Variants in OPCML observed in about 807,000 individuals in gnomAD.
OPCML encodes the protein opioid binding protein/cell adhesion molecule like, also known as opioid-binding protein/cell adhesion molecule.
In OPCML, 13 loss-of-function variants were observed where a neutral mutation model predicts 37.8. The observed-to-expected ratio is 0.34, with a 90% confidence interval of 0.22 to 0.55. OPCML has a LOEUF of 0.55. OPCML is among the 20% of genes least tolerant of loss of function. The probability of loss-of-function intolerance (pLI) is 0.91; values close to 1 mark genes in which losing one functional copy is unlikely to be tolerated. For synonymous variants in OPCML, 176 were observed against 168.8 expected (o/e 1.04, Z -0.33); for missense variants, 341 against 435.6 (o/e 0.78, Z 1.93).
intron 2 of OPCML, among the ~76,000 whole-genome samples, chr11:132,838,777 A>G (rs1941157427): frequency 6.6e-6 from 1 of 152,176 alleles, no homozygotes; most frequent in African/African-American, 2.4e-5. Flanking sequence ...TTTAGAGATC[A>G]GAGTCATTCA....
In OPCML at chr11:132,562,183, G is replaced by A. The variant is rs369250362; in HGVS notation, c.380-32997C>T. Among the ~76,000 whole-genome samples, 6 of 152,206 alleles carry A rather than the reference G, an allele frequency of 3.9e-5. 1 individual carries two copies. Among genetic ancestry groups the A allele is most frequent in the Non-Finnish European group, 2.9e-5 (2 of 68,014 alleles). On this transcript the variant is annotated intron_variant, in intron 3 of 7. Coordinates refer to ENST00000524381, the MANE Select transcript of OPCML (RefSeq NM_001012393.5). Reference sequence around the variant, plus strand: ...ATGAGGGCCTGGCAACACAGGTCCCGCCAAATTAAAGAACTGAGGCACTAG... The same window carrying A: ...ATGAGGGCCTGGCAACACAGGTCCCACCAAATTAAAGAACTGAGGCACTAG...
At chr11:133,035,833 C>A (rs980716802) in intron 1 of OPCML, among the ~76,000 whole-genome samples, 1 of 152,058 alleles carries the variant, frequency 6.6e-6, no homozygotes, top group African/African-American at 2.4e-5. Context: ...TAAATGGGAA[C>A]CTTGAGGCTG....
intron 2 of OPCML, among the ~76,000 whole-genome samples, chr11:132,883,139 A>T (rs1943278440): frequency 6.6e-6 from 1 of 152,236 alleles, no homozygotes; most frequent in African/African-American, 2.4e-5. Context: ...GATGCATGGC[A>T]CTGGATCTTA....
At chr11:132,649,331 C>T (rs1026729898) in intron 3 of OPCML, among the ~76,000 whole-genome samples, 1 of 152,176 alleles carries the variant, frequency 6.6e-6, no homozygotes, top group Non-Finnish European at 1.5e-5. Flanking sequence ...CACACAATGT[C>T]ATGAAAGGTC....
intron 2 of OPCML, among the ~76,000 whole-genome samples, chr11:132,725,806 T>G (rs1331116671): frequency 2.0e-5 from 3 of 151,634 alleles, no homozygotes; most frequent in Non-Finnish European, 2.9e-5. Flanking sequence ...AGAAAGAAAT[T>G]TCTCTGCCAG....
In OPCML at chr11:133,117,395, C is replaced by G. The variant is rs558117681; in HGVS notation, c.62-174385G>C. Among the ~76,000 whole-genome samples the G allele has an allele frequency of 3.3e-5, 5 of 152,266 alleles. No individual in the cohort carries two copies. The South Asian group carries it at 1.0e-3, about 32-fold the overall frequency. ...GAGGAGAACCTGTGATGGACCAGAG[C>G]TTTCGGGGCCTTCTTATAACCATGG... is the stretch of plus-strand genomic sequence containing the variant. On this transcript the variant is annotated intron_variant, in intron 1 of 7. Transcript: ENST00000524381.
chr11:133,456,780 CAAA>C (rs34351764), intron 1 of OPCML, among the ~76,000 whole-genome samples: 2 of 122,298 alleles, frequency 1.6e-5, no homozygotes, highest in Admixed American at 8.5e-5. Context: ...CCAATCAGAC[CAAA>C]AAAAAAAAAA....
chr11:133,431,948 T>A (rs1347290852), intron 1 of OPCML, among the ~76,000 whole-genome samples: 1 of 152,028 alleles, frequency 6.6e-6, no homozygotes, highest in African/African-American at 2.4e-5. Flanking sequence ...TACGTACGGT[T>A]CTCTCTGGAT....
chr11:133,406,908 T>G (rs1282289070), intron 1 of OPCML, among the ~76,000 whole-genome samples: 2 of 152,172 alleles, frequency 1.3e-5, no homozygotes, highest in Non-Finnish European at 2.9e-5. Flanking sequence ...ATTTGCAAAG[T>G]TCATTAATCA....
intron 3 of OPCML, among the ~76,000 whole-genome samples, chr11:132,613,237 T>G (rs963773850): frequency 6.6e-6 from 1 of 152,180 alleles, no homozygotes; most frequent in African/African-American, 2.4e-5. Context: ...TCCTGTTCTC[T>G]CTAACAAAAA....
intron 1 of OPCML, among the ~76,000 whole-genome samples, chr11:132,951,754 T>C (rs895541496): frequency 6.6e-6 from 1 of 152,160 alleles, no homozygotes; most frequent in African/African-American, 2.4e-5. Flanking sequence ...TCCCAAGGCG[T>C]CCAAAGGCTT....
At chr11:132,619,452 T>C (rs1413658395) in intron 3 of OPCML, among the ~76,000 whole-genome samples, 1 of 152,112 alleles carries the variant, frequency 6.6e-6, no homozygotes, top group African/African-American at 2.4e-5. Flanking sequence ...AAATTATGAA[T>C]GAACAGCTGA....
chr11:132,433,519 G>A (rs1412082412), intron 7 of OPCML, among the ~76,000 whole-genome samples: 1 of 152,222 alleles, frequency 6.6e-6, no homozygotes, highest in Non-Finnish European at 1.5e-5. Flanking sequence ...GACTCAGCAA[G>A]TTTAAGTGAA....
At chr11:133,296,340 A>C (rs1328825747) in intron 1 of OPCML, among the ~76,000 whole-genome samples, 1 of 152,172 alleles carries the variant, frequency 6.6e-6, no homozygotes, top group Non-Finnish European at 1.5e-5. Context: ...TCTGGTGCAG[A>C]TTCCAGTCAT....
chr11:133,115,475 C>G (rs1331140483), intron 1 of OPCML, among the ~76,000 whole-genome samples: 1 of 152,144 alleles, frequency 6.6e-6, no homozygotes, highest in African/African-American at 2.4e-5. Flanking sequence ...ACAGGTCTAT[C>G]TGAAGTCGAA....
At chr11:132,761,605 C>T (rs920959862) in intron 2 of OPCML, among the ~76,000 whole-genome samples, 5 of 152,038 alleles carry the variant, frequency 3.3e-5, no homozygotes, top group Non-Finnish European at 5.9e-5. Flanking sequence ...ATTCAGCTAT[C>T]GATACTTGTG....
At chr11:132,759,141 G>A (rs1023376130) in intron 2 of OPCML, among the ~76,000 whole-genome samples, 2 of 152,146 alleles carry the variant, frequency 1.3e-5, no homozygotes, top group African/African-American at 4.8e-5. Context: ...TGCATACCAG[G>A]GATGAAACCG....
At chr11:133,417,943 A>G (rs923998727) in intron 1 of OPCML, among the ~76,000 whole-genome samples, 7 of 128,552 alleles carry the variant, frequency 5.4e-5, no homozygotes, top group Middle Eastern at 3.6e-3. Flanking sequence ...AAAATATAGG[A>G]AAAAAAAACA....
At chr11:133,408,513 A>G (rs1373566581) in intron 1 of OPCML, among the ~76,000 whole-genome samples, 1 of 152,200 alleles carries the variant, frequency 6.6e-6, no homozygotes, top group African/African-American at 2.4e-5. Context: ...GTATACATTC[A>G]TTCATTTTCC....
Sources: gnomAD v4.1 joint callset for allele counts (sites outside exome capture counted in the v4.1 genomes callset) on GRCh38, gnomAD v4.1.1 for gene constraint, MANE v1.5 for transcripts, NCBI Gene and HGNC (gene_info 2026-07-23, HGNC 2026-07-21) for gene names.